The following ZRANB3 variants were observed in gnomAD, a reference collection of about 807,000 sequenced individuals.
ZRANB3 encodes DNA annealing helicase and endonuclease ZRANB3.
In ZRANB3, 125 loss-of-function variants were observed where a neutral mutation model predicts 133.8. The ratio of observed to expected loss-of-function variants is 0.93; its 90% CI spans 0.81 to 1.08. The LOEUF is 1.08. Among genes scored for constraint, ZRANB3 ranks in the 50% least tolerant of loss-of-function variants. The pLI is 0.00. For missense variants in ZRANB3, 1,229 were observed against 1,275.5 expected (o/e 0.96, Z 0.56); for synonymous variants, 387 against 432.7 (o/e 0.89, Z 1.31).
intron 20 of ZRANB3, 25 bp from the exon 21 acceptor site, chr2:135,200,465 G>A: frequency 6.5e-7 from 1 of 1,540,636 alleles, no homozygotes. Context: ...ATATGCATGT[G>A]TACACGTTAG....
intron 2 of ZRANB3, among the ~76,000 whole-genome samples, chr2:135,469,453 A>T (rs929715294): frequency 1.3e-5 from 2 of 152,232 alleles, no homozygotes; most frequent in African/African-American, 2.4e-5. Flanking sequence ...GGTTATTTTA[A>T]TCATTATCAG....
intron 12 of ZRANB3, among the ~76,000 whole-genome samples, chr2:135,250,294 C>A (rs1006729419): frequency 6.6e-6 from 1 of 152,106 alleles, no homozygotes; most frequent in Non-Finnish European, 1.5e-5. Flanking sequence ...GACTTGGGTG[C>A]TGTTAAAGGC....
intron 2 of ZRANB3, among the ~76,000 whole-genome samples, chr2:135,487,139 A>G (rs1489966508): frequency 6.6e-6 from 1 of 152,216 alleles, no homozygotes; most frequent in East Asian, 1.9e-4. Flanking sequence ...TATATCTACA[A>G]TAGAGCTCTT....
In ZRANB3 at chr2:135,230,557, T is replaced by A. The variant is rs59900519; in HGVS notation, c.1910A>T (p.Glu637Val). Reference protein sequence around the residue: ...CSLCTYINNSELPYCEMCETP... With the variant: ...CSLCTYINNSVLPYCEMCETP... The stretch of plus-strand genomic sequence containing the variant: ...CTCACACATTTCACAATAAGGTAAC[T>A]CTGAATTATTGATATAGGTGCAGAG... The change falls in exon 13 of 21, where the codon GAG (glutamate) becomes GTG (valine). Residue 637 changes from glutamate to valine, a missense_variant. Transcript: ENST00000264159. 186,902 of 1,567,218 alleles carry A rather than the reference T, an allele frequency of 0.12. 17,423 individuals are homozygous for A. The highest frequency in any genetic ancestry group is 0.36 in the African/African-American group (26,250 of 73,264).
At chr2:135,273,774 T>G (rs750047514) in intron 9 of ZRANB3, among the ~76,000 whole-genome samples, 8 of 152,154 alleles carry the variant, frequency 5.3e-5, no homozygotes, top group Non-Finnish European at 1.0e-4. Context: ...CGACCTCAGA[T>G]GATCTGCCCG....
At chr2:135,361,991 G>T (rs892605332) in intron 3 of ZRANB3, among the ~76,000 whole-genome samples, 7 of 152,064 alleles carry the variant, frequency 4.6e-5, no homozygotes, top group Non-Finnish European at 4.4e-5. Flanking sequence ...GAGGTCAGAA[G>T]ATGGAGACCA....
chr2:135,469,033 GA>G (rs1691131029), intron 2 of ZRANB3, among the ~76,000 whole-genome samples: 14 of 152,228 alleles, frequency 9.2e-5, no homozygotes, highest in African/African-American at 3.4e-4. Context: ...TCCAAGGAAT[GA>G]TCACTATAGT....
At chr2:135,384,413 G>A (rs1394680337) in intron 3 of ZRANB3, among the ~76,000 whole-genome samples, 1 of 152,094 alleles carries the variant, frequency 6.6e-6, no homozygotes, top group Non-Finnish European at 1.5e-5. Flanking sequence ...TCTACCAGAG[G>A]TACAATGAGG....
intron 8 of ZRANB3, among the ~76,000 whole-genome samples, chr2:135,295,328 A>G (rs10168247): frequency 0.27 from 40,436 of 151,700 alleles, 9,008 homozygotes; most frequent in African/African-American, 0.6. Flanking sequence ...TTACCATTAC[A>G]TAATGGCCTT....
Position 135,343,348 on chromosome 2 carries a change from G to A in ZRANB3, c.677+2202C>T, listed in dbSNP as rs928609022. 3.3e-5 allele frequency among the ~76,000 whole-genome samples: 5 copies of A among 149,844 alleles called. 1 individual carries two copies. The highest frequency in any genetic ancestry group is 1.3e-4 in the African/African-American group (5 of 39,264). ...CTTTCCTTGAATTCCTAATGTGAAT[G>A]CCATTTGCATATAATCAATATATTA... On this transcript the variant is annotated intron_variant, in intron 6 of 20. Coordinates refer to ENST00000264159, the MANE Select transcript of ZRANB3 (RefSeq NM_032143.4).
At chr2:135,227,226 A>G (rs1297209939) in intron 14 of ZRANB3, among the ~76,000 whole-genome samples, 1 of 152,206 alleles carries the variant, frequency 6.6e-6, no homozygotes, top group Non-Finnish European at 1.5e-5. Flanking sequence ...TATGACATAC[A>G]GGCTAGTATT....
chr2:135,457,603 T>C (rs60910700), intron 2 of ZRANB3, among the ~76,000 whole-genome samples: 10,511 of 152,182 alleles, frequency 0.069, 760 homozygotes, highest in African/African-American at 0.19. Flanking sequence ...CATTTTTTCA[T>C]TGAGTTATCT....
chr2:135,243,129 AT>A (rs1695620689), intron 12 of ZRANB3, among the ~76,000 whole-genome samples: 1 of 152,236 alleles, frequency 6.6e-6, no homozygotes, highest in South Asian at 2.1e-4. Flanking sequence ...AGACTCTTTT[AT>A]GATCTCCTTC....
intron 8 of ZRANB3, among the ~76,000 whole-genome samples, chr2:135,312,666 T>TA (rs1229782475): frequency 6.6e-6 from 1 of 151,906 alleles, no homozygotes; most frequent in East Asian, 1.9e-4. Context: ...GACTGACAAA[T>TA]AAAAAAAGAT....
Position 135,262,417 on chromosome 2 carries a change from T to C in ZRANB3, c.1539+3117A>G, listed in dbSNP as rs192523708. ...AATGTAAATATTAATTTTATTCCTATAATTTCTGATCAGTTCTTTGAAAAA... is the reference window on the plus strand; with the variant it reads ...AATGTAAATATTAATTTTATTCCTACAATTTCTGATCAGTTCTTTGAAAAA... On this transcript the variant is annotated intron_variant, in intron 12 of 20. Transcript: ENST00000264159. Among the ~76,000 whole-genome samples, 86 of 152,314 alleles carry C rather than the reference T, an allele frequency of 5.6e-4. 1 individual carries two copies. In the East Asian group the frequency reaches 0.012, roughly 21 times the overall value.
chr2:135,371,048 CT>C (rs1164513025), intron 3 of ZRANB3, among the ~76,000 whole-genome samples: 1 of 152,202 alleles, frequency 6.6e-6, no homozygotes, highest in Non-Finnish European at 1.5e-5. Context: ...AATTAAACCT[CT>C]TTTATACATT....
chr2:135,214,471 C>G (rs77797846), intron 17 of ZRANB3, among the ~76,000 whole-genome samples: 1,637 of 152,078 alleles, frequency 0.011, 29 homozygotes, highest in African/African-American at 0.037. Flanking sequence ...GATCAGTCAC[C>G]TTTCTCAGTT....
intron 2 of ZRANB3, among the ~76,000 whole-genome samples, chr2:135,409,627 G>A (rs1688212076): frequency 6.6e-6 from 1 of 152,066 alleles, no homozygotes; most frequent in African/African-American, 2.4e-5. Context: ...AGAACTGGAA[G>A]TCCCAGCCAG....
chr2:135,218,318 C>T (rs1369160899), intron 16 of ZRANB3, among the ~76,000 whole-genome samples: 1 of 151,996 alleles, frequency 6.6e-6, no homozygotes, highest in Non-Finnish European at 1.5e-5. Flanking sequence ...ATGATGCCTA[C>T]GTTTTCACAG....
Sources: allele counts gnomAD v4.1 joint callset (sites outside exome capture counted in the v4.1 genomes callset), GRCh38; gene constraint gnomAD v4.1.1; transcripts MANE v1.5; gene names NCBI Gene and HGNC (gene_info 2026-07-23, HGNC 2026-07-21).